The following GJA9 variants were observed in gnomAD, a reference collection of about 807,000 sequenced individuals.
GJA9 encodes gap junction alpha-9 protein.
GJA9 carries 1 observed loss-of-function variant against 0.4 expected under a neutral mutation model. That is an observed-to-expected ratio of 2.50 (90% CI 0.89 to 11.88). The LOEUF (loss-of-function observed/expected upper bound fraction) is 11.88. GJA9 is among the 30% of genes most tolerant of loss of function. GJA9 has a pLI of 0.12. For synonymous variants in GJA9, 190 were observed against 219.1 expected (o/e 0.87, Z 1.17); for missense variants, 550 against 602.8 (o/e 0.91, Z 0.92).
Position 38,875,501 on chromosome 1 carries a change from AGTC to A in GJA9, c.595_597del (p.Asp199del). 1 of 1,614,206 alleles carries A rather than the reference AGTC, an allele frequency of 6.2e-7. No homozygotes were observed. Among genetic ancestry groups the A allele is most frequent in the Non-Finnish European group, 8.5e-7 (1 of 1,179,982 alleles). ...TTTTCTGTTGGTCTTGAGACAAAAC[AGTC>A]GATTATATTTGGACACGGGTGGCCA... On this transcript the variant is annotated inframe_deletion, in exon 2 of 2. Coordinates refer to ENST00000357771, the MANE Select transcript of GJA9 (RefSeq NM_030772.5).
rs1341201374 is a variant in GJA9 at position 38,875,686 on chromosome 1, T to C, written c.413A>G (p.Gln138Arg). Residue 138 changes from glutamine to arginine, a missense_variant, in exon 2 of 2, where the codon CAG (glutamine) becomes CGG (arginine). Transcript: ENST00000357771. Reference protein sequence around the residue: ...DRRRLEQELCQLEKRKLNKAP... With the variant: ...DRRRLEQELCRLEKRKLNKAP... ...TTTATTTAGTTTCCTTTTCTCCAGC[T>C]GACAAAGCTCTTGCTCCAATCTCCT... The C allele has an allele frequency of 1.2e-6, 2 of 1,614,232 alleles. No homozygotes were observed. The highest frequency in any genetic ancestry group is 2.2e-5 in the East Asian group (1 of 44,888).
intron 1 of GJA9, among the ~76,000 whole-genome samples, chr1:38,879,765 C>T (rs538361766): frequency 1.3e-5 from 2 of 152,100 alleles, no homozygotes; most frequent in East Asian, 1.9e-4. Context: ...CTCGCCCTGT[C>T]GCCCAGGCTG....
rs138467848 is a variant in GJA9 at position 38,880,517 on chromosome 1, C to T, written c.-96+915G>A. Among the ~76,000 whole-genome samples, 137 of 151,690 alleles carry T rather than the reference C, an allele frequency of 9.0e-4. 1 individual carries two copies. In the East Asian group the frequency reaches 0.02, roughly 22 times the overall value. On this transcript the variant is annotated intron_variant, in intron 1 of 1. Coordinates refer to ENST00000357771, the MANE Select transcript of GJA9 (RefSeq NM_030772.5). ...TAAGCAAGTTGGCCAGGCGCGGTGG[C>T]TCACGCCTGTAATCCCAGCACTTTG...
At position 38,875,953 on chromosome 1, in the gene GJA9, T is replaced by C. The variant is rs376469931; in HGVS notation, c.146A>G (p.Gln49Arg). The C allele has an allele frequency of 1.5e-5, 25 of 1,614,128 alleles. No homozygotes were observed. The African/African-American group carries it at 2.7e-4, about 17-fold the overall frequency. ...VAAEDVWNDEQSGFICNTEQP... is the reference protein window; with the variant it reads ...VAAEDVWNDERSGFICNTEQP... Reference sequence around the variant, plus strand: ...TTCTGTATTGCAGATGAAGCCAGACTGCTCATCATTCCAGACATCTTCAGC... The same window carrying C: ...TTCTGTATTGCAGATGAAGCCAGACCGCTCATCATTCCAGACATCTTCAGC... The change falls in exon 2 of 2, where the codon CAG becomes CGG. Residue 49 changes from glutamine to arginine, a missense_variant. Gln to Arg is a conservative substitution (Grantham distance 43). Transcript: ENST00000357771.
At chr1:38,877,899 C>T (rs749080549) in intron 1 of GJA9, among the ~76,000 whole-genome samples, 1 of 152,116 alleles carries the variant, frequency 6.6e-6, no homozygotes, top group Non-Finnish European at 1.5e-5. Context: ...CCAGAGGAAA[C>T]AGATCTGGCT....
chr1:38,881,392 CTCTT>C (rs1265450234), intron 1 of GJA9, 36 bp downstream of exon 1: 13 of 699,550 alleles, frequency 1.9e-5, no homozygotes, highest in African/African-American at 1.8e-4. Flanking sequence ...TTTCAAACAA[CTCTT>C]TCTTAATAAG....
intron 1 of GJA9, among the ~76,000 whole-genome samples, chr1:38,880,144 T>C (rs994164304): frequency 5.3e-5 from 8 of 151,372 alleles, no homozygotes; most frequent in African/African-American, 1.9e-4. Context: ...GGCTCACGCC[T>C]GTAATCCCAA....
rs752196196 is a variant in GJA9, at chr1:38,875,578, C to G, written c.521G>C (p.Gly174Ala). 1.5e-5 allele frequency: 25 copies of G among 1,614,072 alleles called. No homozygotes were observed. Among genetic ancestry groups the G allele is most frequent in the Non-Finnish European group, 2.1e-5 (25 of 1,180,048 alleles). The change falls in exon 2 of 2, where the codon GGA (glycine) becomes GCA (alanine). Residue 174 changes from glycine to alanine, a missense_variant. Physicochemically the swap from Gly to Ala is moderately conservative, Grantham distance 60. Transcript: ENST00000357771. Reference protein sequence around the residue: ...RSVVEVGFMIGQYLLYGFHLE... With the variant: ...RSVVEVGFMIAQYLLYGFHLE... ...GTGAAATCCATATAAAAGGTACTGT[C>G]CAATCATGAATCCAACTTCAACCAC...
Position 38,874,303 on chromosome 1 carries a change from T to C in GJA9, c.*248A>G. 2.3e-6 allele frequency: 1 copy of C among 434,250 alleles called. No individual in the cohort carries two copies. Among genetic ancestry groups the C allele is most frequent in the Non-Finnish European group, 4.1e-6 (1 of 245,062 alleles). 26.9% of individuals were successfully genotyped at this position (434,250 alleles called of 1,614,324 possible). On this transcript the variant is annotated 3_prime_UTR_variant, in exon 2 of 2. Transcript: ENST00000357771. ...TTCTGAACATGTGATTTTCCCAAAA[T>C]CAGTTACATTCGAAAGGATATCATT...
chr1:38,875,765 C>A lies in GJA9; in HGVS notation c.334G>T (p.Ala112Ser). The change falls in exon 2 of 2, where the codon GCT (alanine) becomes TCT (serine). Residue 112 changes from alanine to serine, a missense_variant. By Grantham distance (99) the Ala-to-Ser change is moderately conservative (BLOSUM62 1). Coordinates refer to ENST00000357771, the MANE Select transcript of GJA9 (RefSeq NM_030772.5). ...TCCTCCAGTTCTACTCTTAACTGAG[C>A]TTTCATCCTTTGCCTCTCTTCCTCA... is the stretch of plus-strand genomic sequence containing the variant. ...VLEEERQRMKAQLRVELEEVE... is the reference protein window; with the variant it reads ...VLEEERQRMKSQLRVELEEVE... 1 of 1,614,250 alleles carries A rather than the reference C, an allele frequency of 6.2e-7. No individual in the cohort carries two copies. The highest frequency in any genetic ancestry group is 8.5e-7 in the Non-Finnish European group (1 of 1,180,054).
chr1:38,878,829 G>T (rs1419909860), intron 1 of GJA9, among the ~76,000 whole-genome samples: 1 of 148,834 alleles, frequency 6.7e-6, no homozygotes, highest in African/African-American at 2.5e-5. Flanking sequence ...CACCTCCCAG[G>T]TTCAAGTGAT....
In GJA9 at chr1:38,875,216, C is replaced by A; in HGVS notation, c.883G>T (p.Ala295Ser). The part of the protein sequence containing the change: ...NLLVEKQTHT[A>S]VYPSLNSSSV... ...GATGAATTTAAACTAGGGTACACTG[C>A]AGTGTGTGTTTGCTTTTCCACTAAC... Residue 295 changes from alanine to serine, a missense_variant, in exon 2 of 2, where the codon GCA becomes TCA. Transcript: ENST00000357771. 1.9e-6 allele frequency: 3 copies of A among 1,614,116 alleles called. No individual in the cohort carries two copies. Among genetic ancestry groups the A allele is most frequent in the Non-Finnish European group, 2.5e-6 (3 of 1,179,998 alleles).
At chr1:38,878,823 TC>T (rs749893910) in intron 1 of GJA9, among the ~76,000 whole-genome samples, 1 of 130,448 alleles carries the variant, frequency 7.7e-6, no homozygotes, top group Non-Finnish European at 1.6e-5. Flanking sequence ...AACCTCCACC[TC>T]CCAGGTTCAA....
intron 1 of GJA9, among the ~76,000 whole-genome samples, chr1:38,880,788 TA>T (rs919144067): frequency 7.4e-5 from 11 of 148,900 alleles, no homozygotes; most frequent in Non-Finnish European, 1.3e-4. Context: ...TCTCAAAAAA[TA>T]AAAAAAAAGT....
intron 1 of GJA9, among the ~76,000 whole-genome samples, chr1:38,877,869 A>T (rs2124279605): frequency 6.6e-6 from 1 of 152,308 alleles, no homozygotes; most frequent in African/African-American, 2.4e-5. Flanking sequence ...TAATTCAGTA[A>T]GATATGGCAT....
Position 38,876,092 on chromosome 1 carries a change from C to G in GJA9, c.7G>C (p.Asp3His). The change falls in exon 2 of 2, where the codon GAC becomes CAC. Residue 3 changes from aspartate to histidine, a missense_variant. Coordinates refer to ENST00000357771, the MANE Select transcript of GJA9 (RefSeq NM_030772.5). Reference sequence around the variant, plus strand: ...AGAGTATCTCCAAGGAGATTCCAGTCCCCCATGTTTATTTAGTCAGCCATC... The same window carrying G: ...AGAGTATCTCCAAGGAGATTCCAGTGCCCCATGTTTATTTAGTCAGCCATC... MG[D>H]WNLLGDTLEE... The G allele has an allele frequency of 6.2e-7, 1 of 1,611,094 alleles. No homozygotes were observed. Among genetic ancestry groups the G allele is most frequent in the Middle Eastern group, 1.7e-4 (1 of 6,040 alleles).
intron 1 of GJA9, among the ~76,000 whole-genome samples, chr1:38,880,045 C>T (rs945717172): frequency 7.3e-5 from 11 of 151,376 alleles, no homozygotes; most frequent in Admixed American, 7.2e-4. Flanking sequence ...AAAGCATCAA[C>T]CTTCTAAAAT....
In GJA9 at chr1:38,875,032, TTA is replaced by T; in HGVS notation, c.1065_1066del (p.His355GlnfsTer8). On this transcript the variant is annotated frameshift_variant, in exon 2 of 2. Coordinates refer to ENST00000357771, the MANE Select transcript of GJA9 (RefSeq NM_030772.5). LOFTEE classifies it low-confidence loss of function (END_TRUNC). Reference sequence around the variant, plus strand: ...ACCATTAAGTTCTTTTCCAAATATTTTATGAGTGTCTTTGTTATTGTTTGAAC... The same window carrying T: ...ACCATTAAGTTCTTTTCCAAATATTTTGAGTGTCTTTGTTATTGTTTGAAC... The T allele has an allele frequency of 6.2e-7, 1 of 1,614,128 alleles. No individual in the cohort carries two copies. Among genetic ancestry groups the T allele is most frequent in the Non-Finnish European group, 8.5e-7 (1 of 1,180,006 alleles).
chr1:38,875,685 C>A lies in GJA9; in HGVS notation c.414G>T (p.Gln138His). The change falls in exon 2 of 2, where the codon CAG (glutamine) becomes CAT (histidine). Residue 138 changes from glutamine to histidine, a missense_variant. By Grantham distance (24) the Gln-to-His change is conservative. Coordinates refer to ENST00000357771, the MANE Select transcript of GJA9 (RefSeq NM_030772.5). ...DRRRLEQELC[Q>H]LEKRKLNKAP... ...CTTTATTTAGTTTCCTTTTCTCCAG[C>A]TGACAAAGCTCTTGCTCCAATCTCC... The A allele has an allele frequency of 1.2e-6, 2 of 1,614,208 alleles. No homozygotes were observed. The highest frequency in any genetic ancestry group is 1.7e-6 in the Non-Finnish European group (2 of 1,180,034).
Sources: gnomAD v4.1 joint callset for allele counts (sites outside exome capture counted in the v4.1 genomes callset) on GRCh38, gnomAD v4.1.1 for gene constraint, MANE v1.5 for transcripts, NCBI Gene and HGNC (gene_info 2026-07-23, HGNC 2026-07-21) for gene names.